The following ADD2 variants were observed in gnomAD, a reference collection of about 807,000 sequenced individuals.
The protein encoded by ADD2 is adducin 2.
Under a neutral mutation model 83.0 loss-of-function variants are expected in ADD2, and 23 were observed. The ratio of observed to expected loss-of-function variants is 0.28; its 90% CI spans 0.20 to 0.39. ADD2 has a LOEUF of 0.39. ADD2 is among the 10% of genes least tolerant of loss of function. The pLI is 1.00. For synonymous variants in ADD2, 375 were observed against 375.4 expected (o/e 1.00, Z 0.01); for missense variants, 758 against 944.9 (o/e 0.80, Z 2.59).
chr2:70,659,071 G>C lies in ADD2; in HGVS notation c.*4354C>G. On this transcript the variant is annotated 3_prime_UTR_variant, in exon 16 of 16. Coordinates refer to ENST00000264436, the MANE Select transcript of ADD2 (RefSeq NM_001617.4). ...GACAGAAGAATCGCTTGAAAAACCG[G>C]GAGGCAGAGGTTGCAGTGAGCTAAG... 6.7e-6 allele frequency: 1 copy of C among 149,072 alleles called. No individual in the cohort carries two copies. The highest frequency in any genetic ancestry group is 1.5e-5 in the Non-Finnish European group (1 of 67,690). The allele number at this position is 149,072 out of a possible 1,614,324, so 9.2% of individuals were successfully genotyped here.
chr2:70,741,170 C>T (rs1044062408), intron 1 of ADD2, among the ~76,000 whole-genome samples: 4 of 151,996 alleles, frequency 2.6e-5, no homozygotes, highest in Admixed American at 6.5e-5. Context: ...TAATGGGAGA[C>T]GGAAAGAGAG....
Position 70,661,409 on chromosome 2 carries a change from G to C in ADD2, c.*2016C>G, listed in dbSNP as rs1553364980. The C allele has an allele frequency of 6.6e-6, 1 of 152,172 alleles. No homozygotes were observed. The highest frequency in any genetic ancestry group is 1.5e-5 in the Non-Finnish European group (1 of 68,032). 9.4% of individuals were successfully genotyped at this position (152,172 alleles called of 1,614,324 possible). A position where few individuals can be genotyped will look rare whatever the true frequency, so the allele number is the denominator to read the frequency against. On this transcript the variant is annotated 3_prime_UTR_variant, in exon 16 of 16. Coordinates refer to ENST00000264436, the MANE Select transcript of ADD2 (RefSeq NM_001617.4). ...TGGCTTTTAAAGGCATTTCCCATAT[G>C]ACAGATTTTTCTGAGGCATGAGTGG...
intron 1 of ADD2, among the ~76,000 whole-genome samples, chr2:70,762,709 T>G (rs1376601509): frequency 6.8e-6 from 1 of 146,044 alleles, no homozygotes; most frequent in Non-Finnish European, 1.5e-5. Flanking sequence ...TTCATTTTCT[T>G]TTTTTTTTTT....
At chr2:70,730,143 G>A (rs1673207559) in intron 1 of ADD2, among the ~76,000 whole-genome samples, 1 of 152,236 alleles carries the variant, frequency 6.6e-6, no homozygotes, top group African/African-American at 2.4e-5. Context: ...GTGAAATATA[G>A]TGTCAAGAAA....
intron 13 of ADD2, chr2:70,675,029 G>A: frequency 4.5e-6 from 6 of 1,343,776 alleles, no homozygotes; most frequent in Non-Finnish European, 4.8e-6. Flanking sequence ...TTTGCAACTG[G>A]CTGGATGAAT....
At chr2:70,707,892 G>T (rs782072798) in intron 2 of ADD2, among the ~76,000 whole-genome samples, 9 of 152,190 alleles carry the variant, frequency 5.9e-5, no homozygotes, top group Non-Finnish European at 8.8e-5. Context: ...GGCCTCCCAG[G>T]TCCTGATCTG....
At chr2:70,687,771 G>C (rs1670814962) in intron 9 of ADD2, among the ~76,000 whole-genome samples, 2 of 152,314 alleles carry the variant, frequency 1.3e-5, no homozygotes, top group South Asian at 4.1e-4. Flanking sequence ...CCCAGACTGG[G>C]CACTGACCCC....
At chr2:70,705,114 C>T (rs562013273) in intron 3 of ADD2, among the ~76,000 whole-genome samples, 1 of 152,288 alleles carries the variant, frequency 6.6e-6, no homozygotes, top group Non-Finnish European at 1.5e-5. Flanking sequence ...TATTTACTGC[C>T]TGAGCCCTGA....
chr2:70,750,663 G>C (rs185317406), intron 1 of ADD2, among the ~76,000 whole-genome samples: 160 of 152,306 alleles, frequency 1.1e-3, no homozygotes, highest in African/African-American at 3.6e-3. Flanking sequence ...TTCAGAGGGA[G>C]CACGGCCTTG....
intron 15 of ADD2, among the ~76,000 whole-genome samples, chr2:70,665,005 CTG>C (rs1553365903): frequency 1.3e-5 from 2 of 151,740 alleles, no homozygotes; most frequent in African/African-American, 4.8e-5. Context: ...TGTGACACAC[CTG>C]TGTGGTGTGT....
chr2:70,692,872 C>A (rs745916249), intron 6 of ADD2, among the ~76,000 whole-genome samples: 1 of 152,200 alleles, frequency 6.6e-6, no homozygotes, highest in African/African-American at 2.4e-5. Flanking sequence ...TGAGAGCCTG[C>A]ATTTCTAACA....
At chr2:70,742,492 G>C (rs1673968764) in intron 1 of ADD2, among the ~76,000 whole-genome samples, 1 of 152,038 alleles carries the variant, frequency 6.6e-6, no homozygotes, top group South Asian at 2.1e-4. Flanking sequence ...CTTAAAAAAA[G>C]AAATGGACTG....
chr2:70,670,434 TC>T (rs1669851345), intron 15 of ADD2, among the ~76,000 whole-genome samples: 7 of 152,216 alleles, frequency 4.6e-5, no homozygotes, highest in Admixed American at 4.6e-4. Context: ...CAGGGCTATT[TC>T]TTTGCAGGCG....
Position 70,676,118 on chromosome 2 carries a change from T to C in ADD2, c.1593+678A>G. 11 of 985,464 alleles carry C rather than the reference T, an allele frequency of 1.1e-5. No homozygotes were observed. The highest frequency in any genetic ancestry group is 1.3e-5 in the Non-Finnish European group (11 of 829,944). The allele number at this position is 985,464 out of a possible 1,614,324, so 61.0% of individuals were successfully genotyped here. A position where few individuals can be genotyped will look rare whatever the true frequency, so the allele number is the denominator to read the frequency against. On this transcript the variant is annotated intron_variant, in intron 13 of 15. Transcript: ENST00000264436. The surrounding 1 kb of genome is among the most constrained non-coding windows in gnomAD (Gnocchi z 4.8). The stretch of plus-strand genomic sequence containing the variant: ...ACATTTCCTGTATTTCCCCAATTTT[T>C]ACTGCTAAGGAAAATGTCATGCCCA...
At chr2:70,677,716 A>G (rs781982582) in intron 12 of ADD2, 42 bp downstream of exon 12, 6 of 1,603,468 alleles carry the variant, frequency 3.7e-6, no homozygotes, top group East Asian at 2.2e-5. Flanking sequence ...GAGACCCCCC[A>G]GTGTGGGAGA....
At chr2:70,686,385 G>GTGA (rs1670728468) in intron 9 of ADD2, among the ~76,000 whole-genome samples, 1 of 152,170 alleles carries the variant, frequency 6.6e-6, no homozygotes, top group African/African-American at 2.4e-5. Flanking sequence ...TGAAACGAAA[G>GTGA]TGATAGCAGC....
At chr2:70,684,620 C>A (rs1186494716) in intron 9 of ADD2, among the ~76,000 whole-genome samples, 3 of 152,182 alleles carry the variant, frequency 2.0e-5, no homozygotes, top group African/African-American at 7.2e-5. Flanking sequence ...TTATTTGTAA[C>A]CTCATGGGAT....
chr2:70,738,109 A>G (rs959386817), intron 1 of ADD2, among the ~76,000 whole-genome samples: 26 of 152,206 alleles, frequency 1.7e-4, no homozygotes, highest in African/African-American at 6.3e-4. Context: ...TTCTTAAAAT[A>G]AATTAAACAC....
At chr2:70,767,556 G>C (rs1461664511) in intron 1 of ADD2, 3 of 1,012,746 alleles carry the variant, frequency 3.0e-6, no homozygotes, top group Non-Finnish European at 3.7e-6. Flanking sequence ...CCGGCTAGGC[G>C]AGGCGAGGCT....
Sources: allele counts gnomAD v4.1 joint callset (sites outside exome capture counted in the v4.1 genomes callset), GRCh38; gene constraint gnomAD v4.1.1; non-coding constraint Gnocchi (gnomAD v3.1); transcripts MANE v1.5; gene names NCBI Gene and HGNC (gene_info 2026-07-23, HGNC 2026-07-21).